The following B9D1 variants were observed in gnomAD, a reference collection of about 807,000 sequenced individuals.
B9D1 encodes B9 domain containing 1.
B9D1 carries 20 observed loss-of-function variants against 26.1 expected under a neutral mutation model. The ratio of observed to expected loss-of-function variants is 0.77; its 90% confidence interval spans 0.54 to 1.12. The LOEUF is 1.12. Ranked by LOEUF, B9D1 falls within the 50% of genes most tolerant of loss-of-function variation. The pLI, the probability that B9D1 is intolerant of heterozygous loss-of-function variation, is 0.00. For synonymous variants in B9D1, 105 were observed against 103.1 expected, an observed-to-expected ratio of 1.02 and a Z score of -0.11; for missense variants, 260 against 273.7, an observed-to-expected ratio of 0.95 and a Z score of 0.35.
At chr17:19,341,624 G>A (rs1221621759), downstream of B9D1, among the ~76,000 whole-genome samples, 2 of 152,200 alleles carry the variant, frequency 1.3e-5, no homozygotes, top group African/African-American at 4.8e-5. Flanking sequence ...AAGAGACAAA[G>A]GCTGTTAAGT....
chr17:19,369,852 C>T (rs1281127590), intron 1 of B9D1, among the ~76,000 whole-genome samples: 7 of 152,134 alleles, frequency 4.6e-5, no homozygotes, highest in Admixed American at 1.3e-4. Flanking sequence ...TGTGTGATTC[C>T]GCCCACCCCA....
At chr17:19,358,766 G>A (rs1910676253) in intron 2 of B9D1, among the ~76,000 whole-genome samples, 1 of 152,116 alleles carries the variant, frequency 6.6e-6, no homozygotes, top group Non-Finnish European at 1.5e-5. Flanking sequence ...CCATCTCATG[G>A]CTTTCAATGT....
rs149758860 is a variant in B9D1, at chr17:19,343,418, G to A, written c.516C>T (p.Asn172=). The A allele has an allele frequency of 9.3e-5, 150 of 1,614,200 alleles. No individual in the cohort carries two copies. The East Asian group carries it at 3.0e-3, about 33-fold the overall frequency. ...RSQGFVTLLF[N]VVTKDMRKLG... is the part of the protein sequence containing the mutation. ...GTTTCCTCATGTCCTTGGTCACCAC[G>A]TTGAAGAGGAGGGTGACAAAGCCCT... Residue 172 remains asparagine, a synonymous_variant, in exon 7 of 7, where the codon AAC becomes AAT. Coordinates refer to ENST00000261499, the MANE Select transcript of B9D1 (RefSeq NM_015681.6).
chr17:19,347,650 C>G lies in B9D1; in HGVS notation c.341+134G>C, dbSNP rs2152261581. ...CTCCCAAATACAGGCTACAACCCCC[C>G]TGGCCACCAGGCTGAGCTGCCCAGG... On this transcript the variant is annotated intron_variant, in intron 4 of 6. Coordinates refer to ENST00000261499, the MANE Select transcript of B9D1 (RefSeq NM_015681.6). This position sits in a 1 kb window ranked among gnomAD's most constrained non-coding sequence, Gnocchi z 4.3. The G allele has an allele frequency of 2.3e-6, 2 of 886,716 alleles. No homozygotes were observed. The highest frequency in any genetic ancestry group is 2.0e-5 in the Admixed American group (1 of 49,916). 54.9% of individuals were successfully genotyped at this position (886,716 alleles called of 1,614,324 possible).
In B9D1 at chr17:19,362,637, C is replaced by T; in HGVS notation, c.-68G>A. ...CGGTTGCTAAGAGACGCCGGCGTTG[C>T]CCTAGAAACAGACGGCGTAGCGCGC... On this transcript the variant is annotated 5_prime_UTR_variant, in exon 1 of 7. Transcript: ENST00000261499. 2 of 1,560,504 alleles carry T rather than the reference C, an allele frequency of 1.3e-6. No homozygotes were observed. Among genetic ancestry groups the T allele is most frequent in the Non-Finnish European group, 1.7e-6 (2 of 1,151,914 alleles).
At chr17:19,337,716 A>C (rs1907564136), downstream of B9D1, 8 of 1,534,252 alleles carry the variant, frequency 5.2e-6, no homozygotes, top group Non-Finnish European at 7.0e-6. Flanking sequence ...ATCTTGAAAC[A>C]CTGCTATCTT....
At chr17:19,336,410 T>C (rs1013504157), downstream of B9D1, 2 of 152,520 alleles carry the variant, frequency 1.3e-5, no homozygotes, top group Non-Finnish European at 2.9e-5. Context: ...TTTCATGATG[T>C]GACTTTGAGG....
intron 3 of B9D1, among the ~76,000 whole-genome samples, chr17:19,350,073 C>T (rs1276778002): frequency 6.6e-6 from 1 of 151,752 alleles, no homozygotes; most frequent in Non-Finnish European, 1.5e-5. Flanking sequence ...GATCACGCCA[C>T]TGCACTCCAG....
At chr17:19,338,015 G>A (rs1752190887), downstream of B9D1, among the ~76,000 whole-genome samples, 1 of 152,238 alleles carries the variant, frequency 6.6e-6, no homozygotes, top group African/African-American at 2.4e-5. Context: ...AACATAGACA[G>A]TAAGGTCCTG....
At chr17:19,355,529 A>T (rs907982938) in intron 3 of B9D1, among the ~76,000 whole-genome samples, 8 of 17,606 alleles carry the variant, frequency 4.5e-4, no homozygotes, top group African/African-American at 5.5e-4. Context: ...GTCTGCAATT[A>T]AAAAAAAAAA....
chr17:19,374,124 CAT>C (rs1458137472), intron 1 of B9D1, among the ~76,000 whole-genome samples: 5 of 152,304 alleles, frequency 3.3e-5, no homozygotes, highest in Middle Eastern at 3.4e-3. Flanking sequence ...TCCTGAAACA[CAT>C]GTCATCTCAG....
intron 1 of B9D1, among the ~76,000 whole-genome samples, chr17:19,375,059 G>C (rs182769440): frequency 2.8e-4 from 43 of 152,286 alleles, no homozygotes; most frequent in African/African-American, 1.0e-3. Context: ...GGAGGCTGAC[G>C]TAGGCCGATC....
downstream of B9D1, chr17:19,337,557 G>A (rs1374891807): frequency 1.6e-6 from 1 of 630,352 alleles, no homozygotes; most frequent in Non-Finnish European, 2.8e-6. Context: ...CTGGTGGCAG[G>A]GGGTGCCCGT....
chr17:19,351,309 G>A (rs952968967), intron 3 of B9D1, among the ~76,000 whole-genome samples: 1 of 151,984 alleles, frequency 6.6e-6, no homozygotes, highest in Admixed American at 6.6e-5. Context: ...TTGTATTTTT[G>A]GAATAAACCC....
chr17:19,363,976 C>T (rs1469937867), upstream of B9D1, among the ~76,000 whole-genome samples: 1 of 152,194 alleles, frequency 6.6e-6, no homozygotes, highest in Non-Finnish European at 1.5e-5. Flanking sequence ...CCCATTTCCC[C>T]TCCTGGAGAG....
At position 19,370,792 on chromosome 17, in the gene B9D1, C is replaced by T. The variant is rs1358724197; in HGVS notation, c.-298+7067G>A. Among the ~76,000 whole-genome samples the T allele has an allele frequency of 6.6e-6, 1 of 152,260 alleles. No individual in the cohort carries two copies. Among genetic ancestry groups the T allele is most frequent in the Non-Finnish European group, 1.5e-5 (1 of 68,044 alleles). On this transcript the variant is annotated intron_variant, in intron 1 of 5. Transcript: ENST00000477478. The surrounding 1 kb of genome is among the most constrained non-coding windows in gnomAD (Gnocchi z 5.1). The stretch of plus-strand genomic sequence containing the variant: ...CCCAGATGCGGCTTCCTGCCCTTTC[C>T]TCCACCAAAACCACACTCAGCTCAT...
At chr17:19,340,031 C>A (rs1025671551), downstream of B9D1, among the ~76,000 whole-genome samples, 1 of 49,542 alleles carries the variant, frequency 2.0e-5, no homozygotes, top group East Asian at 3.7e-4. Context: ...CCCACATGCC[C>A]AACCCCCCCC....
chr17:19,337,711 G>C (rs771466264), downstream of B9D1: 3 of 1,534,084 alleles, frequency 2.0e-6, no homozygotes, highest in African/African-American at 2.7e-5. Flanking sequence ...CTTTCATCTT[G>C]AAACACTGCT....
chr17:19,369,913 C>T (rs546660548), intron 1 of B9D1, among the ~76,000 whole-genome samples: 22 of 152,282 alleles, frequency 1.4e-4, no homozygotes, highest in African/African-American at 4.6e-4. Context: ...TACCTAGTGC[C>T]CCGCCAAACA....
Sources: gnomAD v4.1 joint callset for allele counts (sites outside exome capture counted in the v4.1 genomes callset) on GRCh38, gnomAD v4.1.1 for gene constraint, Gnocchi (gnomAD v3.1) non-coding constraint, MANE v1.5 for transcripts, NCBI Gene and HGNC (gene_info 2026-07-23, HGNC 2026-07-21) for gene names.